TRABD2B: variants seen among roughly 807,000 people sequenced by gnomAD.
TRABD2B encodes metalloprotease TIKI2.
In TRABD2B, 14 loss-of-function variants were observed where a neutral mutation model predicts 40.1. That is an observed-to-expected ratio of 0.35 (90% CI 0.23 to 0.55). The LOEUF is 0.55. Ranked by LOEUF, TRABD2B falls within the 20% of genes least tolerant of loss-of-function variation. TRABD2B has a pLI of 0.90. For synonymous variants in TRABD2B, 263 were observed against 277.0 expected, an observed-to-expected ratio of 0.95 and a Z score of 0.50; for missense variants, 541 against 648.6, an observed-to-expected ratio of 0.83 and a Z score of 1.80.
In TRABD2B at chr1:47,926,337, G is replaced by A. The variant is rs542353603; in HGVS notation, c.666+67697C>T. 9.2e-4 allele frequency among the ~76,000 whole-genome samples: 140 copies of A among 152,290 alleles called. 2 individuals are homozygous for A. Among genetic ancestry groups the A allele is most frequent in the South Asian group, 4.6e-3 (22 of 4,822 alleles). On this transcript the variant is annotated intron_variant, in intron 2 of 6. Transcript: ENST00000606738. ...TACAGCAGCACGGCTCCAATAGTGC[G>A]TTCTATTGCACTGTAGATCTGCCCG...
At chr1:47,941,268 T>C (rs1203664425) in intron 2 of TRABD2B, among the ~76,000 whole-genome samples, 1 of 152,148 alleles carries the variant, frequency 6.6e-6, no homozygotes, top group Non-Finnish European at 1.5e-5. Context: ...CTAGCCACAC[T>C]GTGTCTCATT....
chr1:47,835,966 A>G (rs993296672), intron 2 of TRABD2B, among the ~76,000 whole-genome samples: 15 of 152,250 alleles, frequency 9.9e-5, no homozygotes, highest in African/African-American at 2.9e-4. Context: ...AAGGCATAAA[A>G]GCAGTTATAA....
At chr1:47,918,390 C>T (rs1376931675) in intron 2 of TRABD2B, among the ~76,000 whole-genome samples, 1 of 152,190 alleles carries the variant, frequency 6.6e-6, no homozygotes, top group East Asian at 1.9e-4. Context: ...ATGTGACCCA[C>T]CCTCCGAGTT....
chr1:47,899,708 G>A (rs1570245261), intron 2 of TRABD2B, among the ~76,000 whole-genome samples: 1 of 152,198 alleles, frequency 6.6e-6, no homozygotes. Flanking sequence ...GGTGGTGTGT[G>A]TGGTGGGTAG....
At chr1:47,839,267 A>G (rs558367120) in intron 2 of TRABD2B, among the ~76,000 whole-genome samples, 2 of 152,234 alleles carry the variant, frequency 1.3e-5, no homozygotes, top group South Asian at 4.1e-4. Context: ...CACACCCGTG[A>G]GCAAGCAGAG....
intron 4 of TRABD2B, among the ~76,000 whole-genome samples, chr1:47,790,566 C>T (rs189243904): frequency 2.0e-5 from 3 of 152,376 alleles, no homozygotes. Flanking sequence ...ACCAGCTAAA[C>T]AGGCACTCGT....
Position 47,766,106 on chromosome 1 carries a change from G to A in TRABD2B, c.1350C>T (p.Ser450=). 7 of 701,766 alleles carry A rather than the reference G, an allele frequency of 1.0e-5. No homozygotes were observed. Among genetic ancestry groups the A allele is most frequent in the South Asian group, 8.9e-5 (6 of 67,446 alleles). The allele number at this position is 701,766 out of a possible 1,614,324, so 43.5% of individuals were successfully genotyped here. ...FNDLWVRIED[S]TTASPPPLPL... is the part of the protein sequence containing the mutation. ...GCAGCGGGGGTGGTGAGGCGGTGGT[G>A]CTGGAAAGGAGGAAGCACATGGCAG... Residue 450 remains serine (S), a splice_region_variant and synonymous_variant, in exon 7 of 7, where the codon AGC becomes AGT. Coordinates refer to ENST00000606738, the MANE Select transcript of TRABD2B (RefSeq NM_001194986.2).
chr1:47,893,062 G>C (rs1644470075), intron 2 of TRABD2B, among the ~76,000 whole-genome samples: 1 of 152,218 alleles, frequency 6.6e-6, no homozygotes, highest in African/African-American at 2.4e-5. Flanking sequence ...TGTGAGGTCA[G>C]TGGTGAGACA....
At chr1:47,877,485 C>T (rs1482741018) in intron 2 of TRABD2B, among the ~76,000 whole-genome samples, 1 of 152,148 alleles carries the variant, frequency 6.6e-6, no homozygotes, top group Non-Finnish European at 1.5e-5. Flanking sequence ...AATGATGGTA[C>T]CCGATATTGG....
chr1:47,851,735 C>T (rs1316566224), intron 2 of TRABD2B, among the ~76,000 whole-genome samples: 1 of 152,368 alleles, frequency 6.6e-6, no homozygotes, highest in Non-Finnish European at 1.5e-5. Context: ...ACATATCCCA[C>T]AGAGGCTGAC....
rs1236047614 is a variant in TRABD2B at position 47,764,654 on chromosome 1, T to C, written c.*1248A>G. 6.6e-6 allele frequency: 1 copy of C among 152,166 alleles called. No homozygotes were observed. The highest frequency in any genetic ancestry group is 2.4e-5 in the African/African-American group (1 of 41,442). The allele number at this position is 152,166 out of a possible 1,614,324, so 9.4% of individuals were successfully genotyped here. A position where few individuals can be genotyped will look rare whatever the true frequency, so the allele number is the denominator to read the frequency against. On this transcript the variant is annotated 3_prime_UTR_variant, in exon 7 of 7. Coordinates refer to ENST00000606738, the MANE Select transcript of TRABD2B (RefSeq NM_001194986.2). ...AGCCCTTTGGCCAGAGGGGTCAACA[T>C]AAGCAGCCGGCCAAAAGGTTTCTTG...
chr1:47,907,446 C>T (rs1644693691), intron 2 of TRABD2B, among the ~76,000 whole-genome samples: 1 of 152,190 alleles, frequency 6.6e-6, no homozygotes, highest in Non-Finnish European at 1.5e-5. Context: ...GTACCCTGCA[C>T]CTACCAGGTA....
chr1:47,909,611 CTT>C (rs1304586247), intron 2 of TRABD2B, among the ~76,000 whole-genome samples: 1 of 146,972 alleles, frequency 6.8e-6, no homozygotes, highest in Non-Finnish European at 1.5e-5. Context: ...GAGCCAGACT[CTT>C]TTAAACGACC....
intron 6 of TRABD2B, among the ~76,000 whole-genome samples, chr1:47,772,518 T>C (rs1452981148): frequency 6.6e-6 from 1 of 151,732 alleles, no homozygotes; most frequent in Non-Finnish European, 1.5e-5. Context: ...AGCGGCCATA[T>C]GGGAGGGCAC....
At chr1:47,940,780 T>A (rs998107552) in intron 2 of TRABD2B, among the ~76,000 whole-genome samples, 1 of 152,134 alleles carries the variant, frequency 6.6e-6, no homozygotes, top group Non-Finnish European at 1.5e-5. Flanking sequence ...GGAATAAAAA[T>A]AAGCTTCAGC....
At chr1:47,812,093 C>T (rs6703502) in intron 2 of TRABD2B, among the ~76,000 whole-genome samples, 47,362 of 152,126 alleles carry the variant, frequency 0.31, 7,739 homozygotes, top group Non-Finnish European at 0.37. Context: ...CTTAATGCAT[C>T]GAGCTCTCTC....
rs1489665926 is a variant in TRABD2B at position 47,996,295 on chromosome 1, TG to T, written c.102+392del. Reference sequence around the variant, plus strand: ...TGAATGGGAGAGCAAAAGGGTTCGATGGAAGTCAAGAGAAGGGCAAGGAACG... The same window carrying T: ...TGAATGGGAGAGCAAAAGGGTTCGATGAAGTCAAGAGAAGGGCAAGGAACG... On this transcript the variant is annotated intron_variant, in intron 1 of 6. Coordinates refer to ENST00000606738, the MANE Select transcript of TRABD2B (RefSeq NM_001194986.2). The surrounding 1 kb of genome is among the most constrained non-coding windows in gnomAD (Gnocchi z 4.6). 2.0e-5 allele frequency among the ~76,000 whole-genome samples: 3 copies of T among 151,362 alleles called. No homozygotes were observed. The highest frequency in any genetic ancestry group is 2.0e-4 in the Admixed American group (3 of 15,218).
At chr1:47,802,167 G>C (rs1370902894) in intron 2 of TRABD2B, among the ~76,000 whole-genome samples, 1 of 152,148 alleles carries the variant, frequency 6.6e-6, no homozygotes, top group East Asian at 1.9e-4. Context: ...ATGTCCTCAA[G>C]CTCCTCTGTC....
rs1332496452 is a variant in TRABD2B at position 47,764,119 on chromosome 1, G to C, written c.*1783C>G. The C allele has an allele frequency of 6.6e-6, 1 of 152,250 alleles. No individual in the cohort carries two copies. The highest frequency in any genetic ancestry group is 1.5e-5 in the Non-Finnish European group (1 of 68,070). The allele number at this position is 152,250 out of a possible 1,614,324, so 9.4% of individuals were successfully genotyped here. On this transcript the variant is annotated 3_prime_UTR_variant, in exon 7 of 7. Coordinates refer to ENST00000606738, the MANE Select transcript of TRABD2B (RefSeq NM_001194986.2). ...GCCCAGAACTTGCCGTCTCAGAAGG[G>C]AGATAGCTGCCAAGCTGGGCAAGAT...
Sources: allele counts gnomAD v4.1 joint callset (sites outside exome capture counted in the v4.1 genomes callset), GRCh38; gene constraint gnomAD v4.1.1; non-coding constraint Gnocchi (gnomAD v3.1); transcripts MANE v1.5; gene names NCBI Gene and HGNC (gene_info 2026-07-23, HGNC 2026-07-21).